MAP9: variants seen among roughly 807,000 people sequenced by gnomAD.
MAP9 encodes microtubule associated protein 9, also known as microtubule-associated protein 9.
MAP9 carries 80 observed loss-of-function variants against 75.2 expected under a neutral mutation model. The observed-to-expected ratio is 1.06, with a 90% CI of 0.89 to 1.28. The LOEUF is 1.28. Ranked by LOEUF, MAP9 falls within the 50% of genes most tolerant of loss-of-function variation. The pLI, the probability that MAP9 is intolerant of heterozygous loss-of-function variation, is 0.00. For synonymous variants in MAP9, 235 were observed against 237.3 expected, an observed-to-expected ratio of 0.99 and a Z score of 0.09; for missense variants, 753 against 719.9, an observed-to-expected ratio of 1.05 and a Z score of -0.53.
intron 5 of MAP9, 87 bp downstream of exon 5, chr4:155,368,499 A>G (rs933892393): frequency 8.9e-7 from 1 of 1,125,104 alleles, no homozygotes; most frequent in East Asian, 2.4e-5. Flanking sequence ...CACGCACACA[A>G]ATTCATTCTC....
intron 13 of MAP9, among the ~76,000 whole-genome samples, chr4:155,351,745 C>A (rs1459851324): frequency 6.6e-6 from 1 of 151,782 alleles, no homozygotes; most frequent in Non-Finnish European, 1.5e-5. Flanking sequence ...CAATTCTAAC[C>A]AGAGAAATGC....
At chr4:155,368,892 C>T (rs1316733567) in intron 4 of MAP9, 80 bp from the exon 5 acceptor site, 8 of 1,122,928 alleles carry the variant, frequency 7.1e-6, no homozygotes, top group Non-Finnish European at 1.0e-5. Flanking sequence ...TACCATACTT[C>T]CCTCCTGTGC....
intron 3 of MAP9, among the ~76,000 whole-genome samples, chr4:155,374,069 G>A (rs1318450450): frequency 3.9e-5 from 6 of 152,074 alleles, no homozygotes; most frequent in East Asian, 1.9e-4. Context: ...GGCCGGGTGC[G>A]GTGGCTCACA....
intron 13 of MAP9, among the ~76,000 whole-genome samples, chr4:155,349,074 A>G (rs1275174813): frequency 1.3e-5 from 2 of 152,198 alleles, no homozygotes; most frequent in African/African-American, 2.4e-5. Context: ...AAAAAAGAGT[A>G]TTTACTTTCA....
At chr4:155,349,038 CAT>C (rs1731392534) in intron 13 of MAP9, among the ~76,000 whole-genome samples, 2 of 152,090 alleles carry the variant, frequency 1.3e-5, no homozygotes, top group African/African-American at 4.8e-5. Context: ...TTCTCTGAAA[CAT>C]GTTTTAAAAC....
chr4:155,374,350 C>CAAAAACAAAA (rs1553968344), intron 3 of MAP9, among the ~76,000 whole-genome samples: 2 of 128,458 alleles, frequency 1.6e-5, no homozygotes, highest in African/African-American at 6.4e-5. Context: ...AAAACAAAAA[C>CAAAAACAAAA]AAACAAACAA....
chr4:155,365,493 T>C (rs905460944), intron 5 of MAP9, among the ~76,000 whole-genome samples: 1 of 151,904 alleles, frequency 6.6e-6, no homozygotes, highest in African/African-American at 2.4e-5. Flanking sequence ...CTGAATGATA[T>C]TACCAACCAT....
Position 155,360,354 on chromosome 4 carries a change from A to AT in MAP9, c.863dup (p.Asn288LysfsTer13). The AT allele has an allele frequency of 6.2e-7, 1 of 1,612,696 alleles. No individual in the cohort carries two copies. The highest frequency in any genetic ancestry group is 8.5e-7 in the Non-Finnish European group (1 of 1,179,136). On this transcript the variant is annotated frameshift_variant, in exon 7 of 14. Coordinates refer to ENST00000311277, the MANE Select transcript of MAP9 (RefSeq NM_001039580.2). LOFTEE classifies it high-confidence loss of function. ...TAGTCACATGGTCTGCTGAAAATGA[A>AT]TTCTCTTTATTTTCATCTGATTTCA...
chr4:155,360,236 T>C lies in MAP9; in HGVS notation c.982A>G (p.Thr328Ala). ...GATTTAGATAGTAGTGGATCAACTG[T>C]TCTGTCATCATCCATAATCAGTTCC... ...KAELIMDDDR[T>A]VDPLLSKSQS... The change falls in exon 7 of 14, where the codon ACA becomes GCA. Residue 328 changes from threonine (T) to alanine (A), a missense_variant. Coordinates refer to ENST00000311277, the MANE Select transcript of MAP9 (RefSeq NM_001039580.2). 6.2e-7 allele frequency: 1 copy of C among 1,612,910 alleles called. No homozygotes were observed. The highest frequency in any genetic ancestry group is 8.5e-7 in the Non-Finnish European group (1 of 1,179,100).
rs1361340351 is a variant in MAP9 at position 155,344,321 on chromosome 4, A to G, written c.*3462T>C. 3.3e-5 allele frequency: 5 copies of G among 151,948 alleles called. No individual in the cohort carries two copies. Among genetic ancestry groups the G allele is most frequent in the Non-Finnish European group, 7.4e-5 (5 of 67,866 alleles). The allele number at this position is 151,948 out of a possible 1,614,324, so 9.4% of individuals were successfully genotyped here. A position where few individuals can be genotyped will look rare whatever the true frequency, so the allele number is the denominator to read the frequency against. On this transcript the variant is annotated 3_prime_UTR_variant, in exon 14 of 14. Coordinates refer to ENST00000311277, the MANE Select transcript of MAP9 (RefSeq NM_001039580.2). ...AAAAGTTAGTGTGAAAGTTTTATCA[A>G]TATCGAAATTGTGGAATGGTGAGCA...
chr4:155,367,828 G>A (rs1732398440), intron 5 of MAP9, among the ~76,000 whole-genome samples: 2 of 152,244 alleles, frequency 1.3e-5, no homozygotes, highest in South Asian at 4.1e-4. Flanking sequence ...CTCCCAGAGA[G>A]CAGATCCTTA....
chr4:155,375,046 T>G lies in MAP9; in HGVS notation c.76-25A>C. 2.0e-6 allele frequency: 3 copies of G among 1,507,394 alleles called. No homozygotes were observed. In the South Asian group the frequency reaches 3.6e-5, roughly 18 times the overall value. 93.4% of individuals were successfully genotyped at this position (1,507,394 alleles called of 1,614,324 possible). On this transcript the variant is annotated intron_variant, in intron 2 of 13. Transcript: ENST00000311277. ...CCTGAAATGAGATACTGAAATCAAT[T>G]TCCATCCAAACATGGAGGTATCATA...
intron 8 of MAP9, chr4:155,356,987 G>A (rs1731819987): frequency 6.2e-6 from 1 of 160,842 alleles, no homozygotes; most frequent in Non-Finnish European, 1.3e-5. Flanking sequence ...AGATTCTGAA[G>A]GCTTTCAGTA....
chr4:155,368,649 TG>T lies in MAP9; in HGVS notation c.644del (p.Pro215GlnfsTer8). 1 of 1,614,234 alleles carries T rather than the reference TG, an allele frequency of 6.2e-7. No homozygotes were observed. The highest frequency in any genetic ancestry group is 8.5e-7 in the Non-Finnish European group (1 of 1,180,038). On this transcript the variant is annotated frameshift_variant, in exon 5 of 14. Transcript: ENST00000311277. LOFTEE classifies it high-confidence loss of function. ...CTTCTAATTGTATGCCATTCGGCGT[TG>T]GAAGGGAAGAAGGTGCAGAATGTAA... Reference protein sequence around the residue: ...LELHSAPSSLPTPNGIQLEAE... With the variant: ...LELHSAPSSLXTPNGIQLEAE...
rs202117293 is a variant in MAP9 at position 155,368,539 on chromosome 4, A to G, written c.708+47T>C. The G allele has an allele frequency of 7.0e-6, 10 of 1,429,692 alleles. No individual in the cohort carries two copies. The East Asian group carries it at 2.0e-4, about 29-fold the overall frequency. The allele number at this position is 1,429,692 out of a possible 1,614,324, so 88.6% of individuals were successfully genotyped here. A position where few individuals can be genotyped will look rare whatever the true frequency, so the allele number is the denominator to read the frequency against. On this transcript the variant is annotated intron_variant, in intron 5 of 13. Coordinates refer to ENST00000311277, the MANE Select transcript of MAP9 (RefSeq NM_001039580.2). ...TCTCTTTTTCATAATCAGATAAAAAAGCATAAATTCAAGAACACAATTCAA... is the reference window on the plus strand; with the variant it reads ...TCTCTTTTTCATAATCAGATAAAAAGGCATAAATTCAAGAACACAATTCAA...
At chr4:155,353,870 G>A (rs183914850) in intron 10 of MAP9, among the ~76,000 whole-genome samples, 4 of 152,242 alleles carry the variant, frequency 2.6e-5, no homozygotes, top group South Asian at 2.1e-4. Flanking sequence ...GTATGTGCTC[G>A]ACTGAAAAAT....
At chr4:155,370,693 T>C (rs1048011135) in intron 4 of MAP9, among the ~76,000 whole-genome samples, 5 of 152,328 alleles carry the variant, frequency 3.3e-5, no homozygotes, top group Admixed American at 1.3e-4. Flanking sequence ...ATCTACCTTC[T>C]TAATACATTC....
intron 8 of MAP9, 89 bp downstream of exon 8, chr4:155,357,360 C>A (rs774209043): frequency 2.3e-5 from 20 of 861,214 alleles, no homozygotes; most frequent in Non-Finnish European, 3.5e-5. Context: ...ACAGTAACAC[C>A]AAATGAAATT....
chr4:155,368,500 A>C (rs764764861), intron 5 of MAP9, 86 bp downstream of exon 5: 1 of 1,135,884 alleles, frequency 8.8e-7, no homozygotes, highest in South Asian at 1.3e-5. Flanking sequence ...ACGCACACAA[A>C]TTCATTCTCT....
Sources: gnomAD v4.1 joint callset for allele counts (sites outside exome capture counted in the v4.1 genomes callset) on GRCh38, gnomAD v4.1.1 for gene constraint, MANE v1.5 for transcripts, NCBI Gene and HGNC (gene_info 2026-07-23, HGNC 2026-07-21) for gene names.